Variants in OCA2 observed in about 807,000 individuals in gnomAD.
OCA2 encodes the protein P protein.
A neutral mutation model predicts 100.2 loss-of-function variants in OCA2; 77 were observed. The observed-to-expected ratio is 0.77, with a 90% CI of 0.64 to 0.93. The LOEUF is 0.93. Ranked by LOEUF, OCA2 falls within the 40% of genes least tolerant of loss-of-function variation. The pLI is 0.00. For synonymous variants in OCA2, 432 were observed against 439.2 expected, an observed-to-expected ratio of 0.98 and a Z score of 0.21; for missense variants, 1,062 against 1,089.1, an observed-to-expected ratio of 0.98 and a Z score of 0.35.
intron 19 of OCA2, among the ~76,000 whole-genome samples, chr15:27,924,678 T>C (rs1036017327): frequency 5.3e-5 from 8 of 152,044 alleles, no homozygotes; most frequent in African/African-American, 1.9e-4. Context: ...AACACAGTTT[T>C]AAAAATAGAA....
intron 19 of OCA2, among the ~76,000 whole-genome samples, chr15:27,909,607 A>C (rs1281253562): frequency 6.6e-6 from 1 of 152,176 alleles, no homozygotes; most frequent in Non-Finnish European, 1.5e-5. Flanking sequence ...GACATATGAA[A>C]AGCTAATGTA....
chr15:27,745,866 C>G, the OCA2 span, among the ~76,000 whole-genome samples: 1 of 152,224 alleles, frequency 6.6e-6, no homozygotes, highest in Non-Finnish European at 1.5e-5. Context: ...GATAATAACT[C>G]TTTCAACCAA....
At chr15:27,963,540 A>C (rs990467675) in intron 15 of OCA2, among the ~76,000 whole-genome samples, 4 of 152,156 alleles carry the variant, frequency 2.6e-5, no homozygotes, top group Admixed American at 2.6e-4. Flanking sequence ...AGAAAAAATA[A>C]AAAGATGCAT....
intron 23 of OCA2, among the ~76,000 whole-genome samples, chr15:27,828,328 G>A (rs564670111): frequency 1.6e-4 from 24 of 152,232 alleles, no homozygotes; most frequent in African/African-American, 4.8e-4. Flanking sequence ...CAAAGGATGC[G>A]GGCTAGGGAC....
chr15:28,089,943 T>C (rs1196023101), intron 1 of OCA2, among the ~76,000 whole-genome samples: 1 of 151,938 alleles, frequency 6.6e-6, no homozygotes, highest in Middle Eastern at 3.2e-3. Context: ...AAATCTAAAA[T>C]AAAAGTTGAA....
At chr15:27,887,617 CTTTT>C (rs34199755) in intron 19 of OCA2, among the ~76,000 whole-genome samples, 5 of 120,272 alleles carry the variant, frequency 4.2e-5, no homozygotes, top group African/African-American at 3.8e-5. Context: ...CACTAAACCT[CTTTT>C]TTTTTTTTTT....
chr15:28,052,080 G>T (rs1382144746), intron 2 of OCA2, among the ~76,000 whole-genome samples: 2 of 152,120 alleles, frequency 1.3e-5, no homozygotes, highest in Admixed American at 1.3e-4. Flanking sequence ...GCTGGCTGGG[G>T]TGCTGAATGG....
intron 23 of OCA2, among the ~76,000 whole-genome samples, chr15:27,767,318 C>G (rs2031342907): frequency 6.6e-6 from 1 of 152,188 alleles, no homozygotes; most frequent in Non-Finnish European, 1.5e-5. Flanking sequence ...TTGCCCCTAT[C>G]CAGCAGGAAG....
At chr15:27,856,860 G>A (rs2035968216) in intron 21 of OCA2, among the ~76,000 whole-genome samples, 1 of 152,112 alleles carries the variant, frequency 6.6e-6, no homozygotes, top group Non-Finnish European at 1.5e-5. Flanking sequence ...ATAAATGGAT[G>A]GCTCCAGCAC....
At chr15:28,034,349 T>C (rs2141401244) in intron 2 of OCA2, among the ~76,000 whole-genome samples, 1 of 152,242 alleles carries the variant, frequency 6.6e-6, no homozygotes, top group South Asian at 2.1e-4. Flanking sequence ...ATGGAAAACA[T>C]AAAGATAGAT....
intron 2 of OCA2, among the ~76,000 whole-genome samples, chr15:28,079,632 C>G (rs757742801): frequency 4.6e-5 from 7 of 152,214 alleles, no homozygotes; most frequent in Non-Finnish European, 8.8e-5. Context: ...TGTTGCTCCT[C>G]CTCCTGGGAG....
At chr15:27,797,181 G>A (rs569818562) in intron 23 of OCA2, among the ~76,000 whole-genome samples, 91 of 152,318 alleles carry the variant, frequency 6.0e-4, no homozygotes, top group African/African-American at 2.2e-3. Flanking sequence ...TAAAGGGCTG[G>A]CTCTGAAAGA....
intron 14 of OCA2, among the ~76,000 whole-genome samples, chr15:27,976,270 G>A (rs143254086): frequency 1.2e-4 from 18 of 152,170 alleles, no homozygotes; most frequent in South Asian, 2.1e-4. Flanking sequence ...GCATTATCAC[G>A]TGAGCTACAG....
At position 28,069,433 on chromosome 15, in the gene OCA2, C is replaced by CCTCT. The variant is rs1274832134; in HGVS notation, c.227+12214_227+12215insAGAG. On this transcript the variant is annotated intron_variant, in intron 2 of 23. Transcript: ENST00000354638. ...CCCCCTCCCCCTCCCCCTCCCCCTC[C>CCTCT]CCCTCTCCCCGGTCTCCCTCTCATG... Among the ~76,000 whole-genome samples the CCTCT allele has an allele frequency of 4.5e-5, 3 of 67,022 alleles. No homozygotes were observed. In the African/African-American group the frequency reaches 7.0e-4, roughly 16 times the overall value. 44.0% of individuals were successfully genotyped at this position (67,022 alleles called of 152,430 possible). A position where few individuals can be genotyped will look rare whatever the true frequency, so the allele number is the denominator to read the frequency against.
intron 2 of OCA2, among the ~76,000 whole-genome samples, chr15:28,058,660 T>A (rs1240457364): frequency 1.3e-5 from 2 of 152,346 alleles, no homozygotes; most frequent in African/African-American, 4.8e-5. Flanking sequence ...TAGAGACCAG[T>A]GTTAGTGACT....
At chr15:28,013,985 T>G (rs1165753780) in intron 9 of OCA2, among the ~76,000 whole-genome samples, 1 of 152,108 alleles carries the variant, frequency 6.6e-6, no homozygotes, top group Non-Finnish European at 1.5e-5. Context: ...GCAAGTGTAC[T>G]CAACAACCAC....
intron 9 of OCA2, among the ~76,000 whole-genome samples, chr15:28,005,046 G>A (rs1566786846): frequency 1.3e-5 from 2 of 152,014 alleles, no homozygotes. Flanking sequence ...ACTGTGTGCC[G>A]GCCTCGCCTC....
chr15:27,996,014 T>TCA (rs2141062272), intron 9 of OCA2, among the ~76,000 whole-genome samples: 1 of 152,202 alleles, frequency 6.6e-6, no homozygotes, highest in East Asian at 1.9e-4. Flanking sequence ...GGTTTCACTG[T>TCA]GTTGGCCAGG....
At chr15:27,822,664 T>G (rs2034551165) in intron 23 of OCA2, among the ~76,000 whole-genome samples, 1 of 152,336 alleles carries the variant, frequency 6.6e-6, no homozygotes, top group South Asian at 2.1e-4. Flanking sequence ...CATCTTTTCA[T>G]ATTATTACTG....
Sources: gnomAD v4.1 joint callset for allele counts (sites outside exome capture counted in the v4.1 genomes callset) on GRCh38, gnomAD v4.1.1 for gene constraint, MANE v1.5 for transcripts, NCBI Gene and HGNC (gene_info 2026-07-23, HGNC 2026-07-21) for gene names.